The following RANBP2 variants were observed in gnomAD, a reference collection of about 807,000 sequenced individuals.
The protein encoded by RANBP2 is RAN binding protein 2.
RANBP2 carries 57 observed loss-of-function variants against 303.6 expected under a neutral mutation model. The observed-to-expected ratio is 0.19, with a 90% CI of 0.15 to 0.23. The LOEUF (loss-of-function observed/expected upper bound fraction) is 0.23, where lower values mean the gene tolerates loss of function less well. RANBP2 is among the 10% of genes least tolerant of loss of function. RANBP2 has a pLI of 1.00. For missense variants in RANBP2, 3,138 were observed against 3,780.8 expected (o/e 0.83, Z 4.46); for synonymous variants, 1,167 against 1,301.5 (o/e 0.90, Z 2.23).
At chr2:109,574,815 A>G in the RANBP2 span, 12 of 1,363,052 alleles carry the variant, frequency 8.8e-6, no homozygotes, top group Non-Finnish European at 9.8e-6. Context: ...GTGCTACCTT[A>G]AGATATCTGT....
the RANBP2 span, among the ~76,000 whole-genome samples, chr2:109,586,498 G>A: frequency 1.3e-5 from 2 of 152,192 alleles, no homozygotes; most frequent in Admixed American, 6.5e-5. Flanking sequence ...GATGTCCATT[G>A]GAGATTGGGG....
the RANBP2 span, among the ~76,000 whole-genome samples, chr2:109,481,816 A>T: frequency 6.6e-6 from 1 of 151,928 alleles, no homozygotes; most frequent in East Asian, 1.9e-4. Context: ...TCCTGTCTTG[A>T]GGAAGCCCAG....
the RANBP2 span, among the ~76,000 whole-genome samples, chr2:109,453,930 G>A: frequency 2.0e-5 from 3 of 152,168 alleles, no homozygotes; most frequent in Non-Finnish European, 2.9e-5. Context: ...GGCCAGGGAC[G>A]GGAGAGGTAG....
the RANBP2 span, among the ~76,000 whole-genome samples, chr2:109,036,229 G>A: frequency 3.9e-5 from 6 of 152,006 alleles, no homozygotes; most frequent in South Asian, 2.1e-4. Context: ...ATAAGCAAAC[G>A]GCTCACAAAA....
the RANBP2 span, among the ~76,000 whole-genome samples, chr2:109,405,541 C>A: frequency 2.0e-5 from 3 of 152,186 alleles, no homozygotes; most frequent in African/African-American, 7.2e-5. Context: ...CCCGAAACTG[C>A]CGTAGCTAAT....
chr2:109,052,796 G>A, the RANBP2 span, among the ~76,000 whole-genome samples: 11 of 152,092 alleles, frequency 7.2e-5, no homozygotes, highest in East Asian at 1.9e-4. Flanking sequence ...CACCCGGCCC[G>A]GCCTGTCTTA....
chr2:109,738,011 G>C, the RANBP2 span, among the ~76,000 whole-genome samples: 2 of 151,848 alleles, frequency 1.3e-5, no homozygotes, highest in Non-Finnish European at 2.9e-5. Flanking sequence ...TTTGTAAACA[G>C]TTTCTCCCAT....
At chr2:108,777,289 A>G (rs1677955713) in intron 25 of RANBP2, 58 bp downstream of exon 25, 3 of 1,505,356 alleles carry the variant, frequency 2.0e-6, no homozygotes, top group Non-Finnish European at 1.8e-6. Context: ...CACAACTGAA[A>G]AACTAGTTTT....
the RANBP2 span, among the ~76,000 whole-genome samples, chr2:109,036,437 A>C: frequency 6.6e-6 from 1 of 152,234 alleles, no homozygotes; most frequent in Non-Finnish European, 1.5e-5. Context: ...AAAATTTATC[A>C]ACAAAATTTT....
chr2:109,717,270 A>G, the RANBP2 span, among the ~76,000 whole-genome samples: 1 of 101,102 alleles, frequency 9.9e-6, no homozygotes, highest in Non-Finnish European at 2.1e-5. Flanking sequence ...TTAAAAACAA[A>G]CCAAAAAAAA....
chr2:108,813,299 A>T, the RANBP2 span, among the ~76,000 whole-genome samples: 1 of 151,130 alleles, frequency 6.6e-6, no homozygotes, highest in African/African-American at 2.4e-5. Flanking sequence ...GAAAGCCAGG[A>T]AGATTTCTCT....
the RANBP2 span, among the ~76,000 whole-genome samples, chr2:109,144,119 A>G: frequency 1.2e-4 from 18 of 152,368 alleles, no homozygotes; most frequent in Admixed American, 2.6e-4. Context: ...CTGGAGTTCT[A>G]CTGTGCAGCA....
the RANBP2 span, among the ~76,000 whole-genome samples, chr2:108,965,605 T>G: frequency 6.6e-6 from 1 of 152,176 alleles, no homozygotes; most frequent in Non-Finnish European, 1.5e-5. Context: ...CTACTGGCTT[T>G]GGGTCTTTTC....
At position 108,758,369 on chromosome 2, in the gene RANBP2, T is replaced by C. The variant is rs753896140; in HGVS notation, c.2467-44T>C. The stretch of plus-strand genomic sequence containing the variant: ...CCCCAGCACTGTTTCTGTCATGATA[T>C]AATTAAATGTTTAAAATTATTTGAT... On this transcript the variant is annotated intron_variant, in intron 17 of 28. Transcript: ENST00000283195. 2.8e-5 allele frequency: 45 copies of C among 1,610,190 alleles called. 1 individual carries two copies. In the South Asian group the frequency reaches 4.3e-4, roughly 15 times the overall value.
the RANBP2 span, chr2:109,665,064 C>T: frequency 6.6e-6 from 1 of 151,942 alleles, no homozygotes; most frequent in Non-Finnish European, 1.5e-5. Flanking sequence ...TAATTTTAAC[C>T]TTATTATCAA....
At chr2:109,283,508 C>T in the RANBP2 span, among the ~76,000 whole-genome samples, 3 of 152,082 alleles carry the variant, frequency 2.0e-5, no homozygotes, top group Non-Finnish European at 4.4e-5. Context: ...CAAAGGTCTC[C>T]AGAAGAGAGT....
At chr2:109,191,343 T>A in the RANBP2 span, among the ~76,000 whole-genome samples, 5 of 152,214 alleles carry the variant, frequency 3.3e-5, no homozygotes, top group Non-Finnish European at 7.3e-5. Flanking sequence ...GTGAGGACCC[T>A]GGAGGGGCCT....
chr2:109,019,108 G>T, the RANBP2 span, among the ~76,000 whole-genome samples: 1 of 152,236 alleles, frequency 6.6e-6, no homozygotes, highest in Non-Finnish European at 1.5e-5. Context: ...CCACAGAGGA[G>T]GCCCGGGTTC....
the RANBP2 span, among the ~76,000 whole-genome samples, chr2:109,164,133 A>G: frequency 2.0e-5 from 3 of 151,688 alleles, no homozygotes; most frequent in Non-Finnish European, 4.4e-5. Flanking sequence ...TCCTTAAGGA[A>G]TTATTTTTGG....
Sources: gnomAD v4.1 joint callset for allele counts (sites outside exome capture counted in the v4.1 genomes callset) on GRCh38, gnomAD v4.1.1 for gene constraint, MANE v1.5 for transcripts, NCBI Gene and HGNC (gene_info 2026-07-23, HGNC 2026-07-21) for gene names.